The following GXYLT1 variants were observed in gnomAD, a reference collection of about 807,000 sequenced individuals.
GXYLT1 encodes the protein glucoside xylosyltransferase 1.
GXYLT1 carries 29 observed loss-of-function variants against 54.0 expected under a neutral mutation model. The observed-to-expected ratio is 0.54, with a 90% CI of 0.40 to 0.73. GXYLT1 has a LOEUF of 0.73. GXYLT1 is among the 30% of genes least tolerant of loss of function. The pLI is 0.00. For missense variants in GXYLT1, 490 were observed against 553.4 expected (o/e 0.89, Z 1.15); for synonymous variants, 176 against 204.1 (o/e 0.86, Z 1.17).
chr12:42,111,725 CAAAA>C (rs555152251), intron 3 of GXYLT1, among the ~76,000 whole-genome samples: 1 of 152,232 alleles, frequency 6.6e-6, no homozygotes, highest in African/African-American at 2.4e-5. Context: ...CACGGACAAA[CAAAA>C]AGACAGCAGT....
intron 3 of GXYLT1, among the ~76,000 whole-genome samples, chr12:42,114,521 A>G (rs900264412): frequency 6.6e-6 from 1 of 152,210 alleles, no homozygotes; most frequent in African/African-American, 2.4e-5. Flanking sequence ...AATAAACTAG[A>G]AAATCTAGAA....
Position 42,087,895 on chromosome 12 carries a change from T to A in GXYLT1, c.1214A>T (p.Glu405Val), listed in dbSNP as rs1321604024. ...GTATGTATGCACTGTTTTTTGTAGT[T>A]CCAGTTCTAAAGGTTTTAATAAGGA... ...IRSLLKPLELELQKTVHTYCG... is the reference protein window; with the variant it reads ...IRSLLKPLELVLQKTVHTYCG... The change falls in exon 8 of 8, where the codon GAA becomes GTA. Residue 405 changes from glutamate to valine, a missense_variant. This residue lies in a region of GXYLT1 where 342 missense variants were observed against 342.6 expected (regional missense o/e 1.00). Coordinates refer to ENST00000398675, the MANE Select transcript of GXYLT1 (RefSeq NM_173601.2). The A allele has an allele frequency of 3.8e-6, 6 of 1,591,612 alleles. No homozygotes were observed. Among genetic ancestry groups the A allele is most frequent in the Non-Finnish European group, 5.1e-6 (6 of 1,165,220 alleles).
At chr12:42,101,664 T>C (rs1455535952) in intron 5 of GXYLT1, among the ~76,000 whole-genome samples, 2 of 151,986 alleles carry the variant, frequency 1.3e-5, no homozygotes, top group East Asian at 3.9e-4. Flanking sequence ...CTCCACCTTC[T>C]GGGTTCAAGT....
Position 42,113,712 on chromosome 12 carries a change from C to A in GXYLT1, c.487-4021G>T, listed in dbSNP as rs189573950. 3.8e-3 allele frequency among the ~76,000 whole-genome samples: 569 copies of A among 150,938 alleles called. 9 individuals carry two copies. The East Asian group carries it at 0.043, about 11-fold the overall frequency. On this transcript the variant is annotated intron_variant, in intron 3 of 7. Transcript: ENST00000398675. ...TTAACACCCCACTGTCAACATTGGA[C>A]AGATCAACGAGACAGAAAGTTAACA...
chr12:42,109,598 TAA>T lies in GXYLT1; in HGVS notation c.578_579del (p.Phe193Ter). 1 of 1,595,492 alleles carries T rather than the reference TAA, an allele frequency of 6.3e-7. No individual in the cohort carries two copies. Among genetic ancestry groups the T allele is most frequent in the Non-Finnish European group, 8.5e-7 (1 of 1,172,260 alleles). Reference sequence around the variant, plus strand: ...AACAATCTCTGCGAAGCACATGGTTTAAAGAGTTTTTTCCACTCTGCTGCATT... The same window carrying T: ...AACAATCTCTGCGAAGCACATGGTTTAGAGTTTTTTCCACTCTGCTGCATT... ...SENAAEWKKLFKPCASQRLFL... is the reference protein window; with the variant it reads ...SENAAEWKKLXKPCASQRLFL... On this transcript the variant is annotated frameshift_variant, in exon 4 of 8. Transcript: ENST00000398675. LOFTEE classifies it high-confidence loss of function.
At chr12:42,088,518 T>C (rs1013509700) in intron 7 of GXYLT1, among the ~76,000 whole-genome samples, 1 of 152,082 alleles carries the variant, frequency 6.6e-6, no homozygotes, top group African/African-American at 2.4e-5. Context: ...CAGGAAAAAG[T>C]CTAAAAAGTA....
chr12:42,120,334 C>T (rs140063596), intron 2 of GXYLT1, among the ~76,000 whole-genome samples: 47 of 152,202 alleles, frequency 3.1e-4, no homozygotes, highest in Non-Finnish European at 6.3e-4. Context: ...TTCCCATTTA[C>T]CAAATATCTA....
intron 1 of GXYLT1, among the ~76,000 whole-genome samples, chr12:42,133,641 T>C (rs575174851): frequency 6.6e-6 from 1 of 152,314 alleles, no homozygotes; most frequent in South Asian, 2.1e-4. Context: ...AGCATCCGGT[T>C]CACAGTCCTC....
Position 42,144,669 on chromosome 12 carries a change from C to T in GXYLT1, c.-23G>A. 2 of 1,305,306 alleles carry T rather than the reference C, an allele frequency of 1.5e-6. No individual in the cohort carries two copies. The highest frequency in any genetic ancestry group is 3.3e-5 in the East Asian group (1 of 29,982). The allele number at this position is 1,305,306 out of a possible 1,614,324, so 80.9% of individuals were successfully genotyped here. A position where few individuals can be genotyped will look rare whatever the true frequency, so the allele number is the denominator to read the frequency against. On this transcript the variant is annotated 5_prime_UTR_variant, in exon 1 of 8. Transcript: ENST00000398675. ...CATCGCCCCGGCCGCGCTCCTCCTT[C>T]GCCGCCGCCGCCGCGCCCGCCCCGA...
chr12:42,098,107 C>G, intron 5 of GXYLT1, 74 bp from the exon 6 acceptor site: 1 of 1,343,882 alleles, frequency 7.4e-7, no homozygotes, highest in Non-Finnish European at 1.0e-6. Context: ...GTTCCTCATT[C>G]TTCCCACAGC....
intron 7 of GXYLT1, among the ~76,000 whole-genome samples, chr12:42,092,823 A>G (rs1328271429): frequency 1.3e-5 from 2 of 152,176 alleles, no homozygotes; most frequent in African/African-American, 2.4e-5. Context: ...CTTGGACCAC[A>G]CATAAAATAC....
chr12:42,127,033 A>T lies in GXYLT1; in HGVS notation c.314+2726T>A, dbSNP rs1039010079. Among the ~76,000 whole-genome samples, 3 of 152,288 alleles carry T rather than the reference A, an allele frequency of 2.0e-5. No homozygotes were observed. The East Asian group carries it at 5.8e-4, about 29-fold the overall frequency. Reference sequence around the variant, plus strand: ...TTCACTGTATAATAAATTAATTGGGAGAATATGATCACCCAAATAATATTT... The same window carrying T: ...TTCACTGTATAATAAATTAATTGGGTGAATATGATCACCCAAATAATATTT... On this transcript the variant is annotated intron_variant, in intron 2 of 7. Transcript: ENST00000398675.
chr12:42,139,545 A>G (rs1472359654), intron 1 of GXYLT1, among the ~76,000 whole-genome samples: 1 of 152,004 alleles, frequency 6.6e-6, no homozygotes, highest in East Asian at 1.9e-4. Context: ...GCCATCTATG[A>G]ACCAGGAAAT....
At chr12:42,100,057 C>T (rs2065380954) in intron 5 of GXYLT1, among the ~76,000 whole-genome samples, 1 of 151,938 alleles carries the variant, frequency 6.6e-6, no homozygotes, top group African/African-American at 2.4e-5. Context: ...GAATGTAATG[C>T]TTTTTTCTTA....
chr12:42,130,073 T>G (rs74078171), intron 1 of GXYLT1, among the ~76,000 whole-genome samples: 3,672 of 152,280 alleles, frequency 0.024, 147 homozygotes, highest in African/African-American at 0.084. Context: ...GACTATACTA[T>G]AGATTGGGAA....
chr12:42,116,498 A>G (rs139046164), intron 3 of GXYLT1, among the ~76,000 whole-genome samples: 21,788 of 152,270 alleles, frequency 0.14, 1,691 homozygotes, highest in Non-Finnish European at 0.18. Context: ...AAAAGAAGAC[A>G]TTTATGCAGA....
intron 1 of GXYLT1, 71 bp downstream of exon 1, chr12:42,144,354 GC>G: frequency 9.8e-7 from 1 of 1,024,902 alleles, no homozygotes; most frequent in Non-Finnish European, 1.3e-6. Flanking sequence ...CCGGCGAGCA[GC>G]CCGGGCTAGG....
chr12:42,104,215 T>C (rs1327790402), intron 5 of GXYLT1, among the ~76,000 whole-genome samples: 4 of 151,992 alleles, frequency 2.6e-5, no homozygotes, highest in African/African-American at 9.7e-5. Flanking sequence ...TAAACTTCTA[T>C]TAATTTCATA....
At chr12:42,106,907 G>A (rs368108785) in intron 4 of GXYLT1, among the ~76,000 whole-genome samples, 42 of 151,516 alleles carry the variant, frequency 2.8e-4, no homozygotes, top group African/African-American at 8.7e-4. Flanking sequence ...CACCACACCC[G>A]GCTAATTTTT....
Sources: gnomAD v4.1 joint callset for allele counts (sites outside exome capture counted in the v4.1 genomes callset) on GRCh38, gnomAD v4.1.1 for gene constraint, gnomAD v4.1.1 regional missense constraint, MANE v1.5 for transcripts, NCBI Gene and HGNC (gene_info 2026-07-23, HGNC 2026-07-21) for gene names.